RBFOX2: variants seen among roughly 807,000 people sequenced by gnomAD.
RBFOX2 encodes RNA binding protein fox-1 homolog 2.
Under a neutral mutation model 49.1 loss-of-function variants are expected in RBFOX2, and 10 were observed. The ratio of observed to expected loss-of-function variants is 0.20; its 90% CI spans 0.13 to 0.35. The LOEUF is 0.35. RBFOX2 is among the 10% of genes least tolerant of loss of function. The pLI, the probability that RBFOX2 is intolerant of heterozygous loss-of-function variation, is 1.00. For synonymous variants in RBFOX2, 183 were observed against 187.4 expected (o/e 0.98, Z 0.19); for missense variants, 323 against 486.9 (o/e 0.66, Z 3.17).
intron 9 of RBFOX2, among the ~76,000 whole-genome samples, chr22:35,758,114 C>G (rs1937528212): frequency 6.6e-6 from 1 of 152,104 alleles, no homozygotes; most frequent in African/African-American, 2.4e-5. Context: ...TAGGCCATTC[C>G]CATGAAATAC....
chr22:35,743,074 A>G (rs1930754060), exon 12 of RBFOX2: 1 of 152,722 alleles, frequency 6.5e-6, no homozygotes, highest in African/African-American at 2.4e-5. Context: ...TCCAGGGACT[A>G]CTGACCTAGG....
intron 4 of RBFOX2, among the ~76,000 whole-genome samples, chr22:35,776,898 A>T (rs1449346028): frequency 6.6e-6 from 1 of 152,016 alleles, no homozygotes; most frequent in Non-Finnish European, 1.5e-5. Flanking sequence ...TTTTTTTCAC[A>T]ACACCACTGT....
At chr22:35,809,103 T>A (rs1425262551) in intron 2 of RBFOX2, among the ~76,000 whole-genome samples, 1 of 151,492 alleles carries the variant, frequency 6.6e-6, no homozygotes, top group Non-Finnish European at 1.5e-5. Context: ...ATAGATAAGT[T>A]AGGCAACAGT....
At chr22:35,876,944 G>A (rs2045193493) in intron 1 of RBFOX2, among the ~76,000 whole-genome samples, 8 of 152,202 alleles carry the variant, frequency 5.3e-5, no homozygotes, top group Admixed American at 5.2e-4. Context: ...TTTTCCCCCA[G>A]ATCACCTTGC....
chr22:35,997,533 A>G (rs905806471), intron 1 of RBFOX2: 2 of 152,192 alleles, frequency 1.3e-5, no homozygotes, highest in East Asian at 3.8e-4. Context: ...TTTACATTCC[A>G]TCTCATTTCA....
intron 1 of RBFOX2, among the ~76,000 whole-genome samples, chr22:35,839,004 C>T (rs1958209638): frequency 1.3e-5 from 2 of 152,140 alleles, no homozygotes; most frequent in Admixed American, 6.5e-5. Flanking sequence ...CTGGCTCTCT[C>T]GCCCTCCGGT....
At chr22:35,768,910 T>G (rs1459756669) in intron 4 of RBFOX2, among the ~76,000 whole-genome samples, 1 of 152,204 alleles carries the variant, frequency 6.6e-6, no homozygotes, top group Non-Finnish European at 1.5e-5. Flanking sequence ...TATTAATTCC[T>G]TTGGGAACAG....
intron 1 of RBFOX2, among the ~76,000 whole-genome samples, chr22:35,967,671 T>C (rs141537259): frequency 1.3e-5 from 2 of 152,278 alleles, no homozygotes; most frequent in African/African-American, 4.8e-5. Context: ...ACTGAGAATT[T>C]TGACATTGGA....
chr22:35,961,768 C>T (rs754271383), upstream of RBFOX2: 78 of 1,191,856 alleles, frequency 6.5e-5, no homozygotes, highest in Non-Finnish European at 6.9e-5. Flanking sequence ...CCCAAAAAGA[C>T]GATGCTTTCA....
chr22:35,974,456 A>C (rs907799874), intron 1 of RBFOX2, among the ~76,000 whole-genome samples: 3 of 152,190 alleles, frequency 2.0e-5, no homozygotes, highest in African/African-American at 7.2e-5. Context: ...TGGGAGGCCG[A>C]GGCGGGCAGA....
At chr22:35,747,265 C>A (rs1602046556) in intron 9 of RBFOX2, 1 of 152,234 alleles carries the variant, frequency 6.6e-6, no homozygotes, top group South Asian at 2.1e-4. Context: ...CTCAGATCTA[C>A]ATTTCATACT....
intron 1 of RBFOX2, among the ~76,000 whole-genome samples, chr22:35,991,839 C>T (rs1277244222): frequency 1.3e-5 from 2 of 152,068 alleles, no homozygotes; most frequent in African/African-American, 2.4e-5. Flanking sequence ...AAAAATGAGG[C>T]CTCAAGATTC....
chr22:35,834,985 T>C (rs1362612318), intron 1 of RBFOX2, among the ~76,000 whole-genome samples: 2 of 152,170 alleles, frequency 1.3e-5, no homozygotes, highest in Admixed American at 6.6e-5. Flanking sequence ...TTTAAGAGTC[T>C]GGGGAATAGA....
chr22:35,767,408 T>C (rs557321311), intron 5 of RBFOX2, among the ~76,000 whole-genome samples: 1 of 152,116 alleles, frequency 6.6e-6, no homozygotes, highest in Admixed American at 6.5e-5. Context: ...ATAGTTACCA[T>C]GGAAAGAGTG....
At chr22:35,885,374 G>A (rs1400858584) in intron 1 of RBFOX2, among the ~76,000 whole-genome samples, 1 of 152,106 alleles carries the variant, frequency 6.6e-6, no homozygotes, top group Non-Finnish European at 1.5e-5. Context: ...AAATCATTAA[G>A]AATATTTTAT....
At chr22:35,747,691 A>AT (rs1602051898) in intron 9 of RBFOX2, 3 of 152,182 alleles carry the variant, frequency 2.0e-5, no homozygotes, top group Non-Finnish European at 4.4e-5. Flanking sequence ...TCAGATGCAA[A>AT]TTTTTATTAT....
chr22:35,756,023 C>T (rs530213539), intron 9 of RBFOX2, 82 bp downstream of exon 11: 1 of 1,086,238 alleles, frequency 9.2e-7, no homozygotes, highest in Non-Finnish European at 1.2e-6. Flanking sequence ...AGGAAAAAAA[C>T]CAAACCAAAC....
At chr22:35,973,888 G>C (rs181723833) in intron 1 of RBFOX2, among the ~76,000 whole-genome samples, 1 of 152,304 alleles carries the variant, frequency 6.6e-6, no homozygotes, top group East Asian at 1.9e-4. Flanking sequence ...CCCTAAAAAT[G>C]TATTCTCTTA....
intron 1 of RBFOX2, among the ~76,000 whole-genome samples, chr22:35,987,985 T>G (rs996481228): frequency 6.6e-6 from 1 of 152,030 alleles, no homozygotes; most frequent in Non-Finnish European, 1.5e-5. Flanking sequence ...TTTGGTGAGG[T>G]TGGGGCAACA....
Sources: allele counts gnomAD v4.1 joint callset (sites outside exome capture counted in the v4.1 genomes callset), GRCh38; gene constraint gnomAD v4.1.1; transcripts MANE v1.5; gene names NCBI Gene and HGNC (gene_info 2026-07-23, HGNC 2026-07-21).